The following ZFAT variants were observed in gnomAD, a reference collection of about 807,000 sequenced individuals.
ZFAT encodes zinc finger protein ZFAT.
ZFAT carries 64 observed loss-of-function variants against 117.7 expected under a neutral mutation model. The observed-to-expected ratio is 0.54, with a 90% CI of 0.44 to 0.67. The LOEUF is 0.67. Among genes scored for constraint, ZFAT ranks in the 30% least tolerant of loss-of-function variants. ZFAT has a pLI of 0.00. For synonymous variants in ZFAT, 679 were observed against 615.0 expected (o/e 1.10, Z -1.54); for missense variants, 1,433 against 1,584.5 (o/e 0.90, Z 1.62).
chr8:134,688,213 C>T (rs1309921539), intron 1 of ZFAT, among the ~76,000 whole-genome samples: 1 of 152,232 alleles, frequency 6.6e-6, no homozygotes, highest in Non-Finnish European at 1.5e-5. Context: ...AATCCAGAAA[C>T]GTTCAGCCAG....
At chr8:134,617,823 C>A (rs148700287) in intron 3 of ZFAT, among the ~76,000 whole-genome samples, 1 of 152,292 alleles carries the variant, frequency 6.6e-6, no homozygotes, top group East Asian at 1.9e-4. Flanking sequence ...TAGTCTCGAC[C>A]GTGATTACTG....
chr8:134,541,769 C>T (rs537182671), intron 11 of ZFAT, among the ~76,000 whole-genome samples: 8 of 152,318 alleles, frequency 5.3e-5, no homozygotes, highest in Admixed American at 4.6e-4. Context: ...ATGTCATCAA[C>T]TCACATAAAA....
intron 10 of ZFAT, among the ~76,000 whole-genome samples, chr8:134,579,287 T>C (rs1339020735): frequency 6.6e-6 from 1 of 152,174 alleles, no homozygotes; most frequent in Admixed American, 6.5e-5. Flanking sequence ...GATAAAGACA[T>C]ACCTGAGTCT....
At chr8:134,719,265 A>G in the ZFAT span, among the ~76,000 whole-genome samples, 2 of 152,352 alleles carry the variant, frequency 1.3e-5, no homozygotes, top group South Asian at 2.1e-4. Flanking sequence ...TTTATTACTC[A>G]GTAGCTTTGA....
At chr8:134,677,340 C>A (rs1832853399) in intron 1 of ZFAT, among the ~76,000 whole-genome samples, 1 of 152,162 alleles carries the variant, frequency 6.6e-6, no homozygotes, top group Non-Finnish European at 1.5e-5. Flanking sequence ...ACTAGAAAAT[C>A]TAGAAGAAAT....
chr8:134,492,109 C>T (rs1309076547), intron 15 of ZFAT, among the ~76,000 whole-genome samples: 1 of 151,196 alleles, frequency 6.6e-6, no homozygotes, highest in Non-Finnish European at 1.5e-5. Context: ...ATAAGGTAGT[C>T]ATTATTCAAG....
intron 10 of ZFAT, among the ~76,000 whole-genome samples, chr8:134,578,093 A>T (rs1270589336): frequency 6.6e-6 from 1 of 152,158 alleles, no homozygotes; most frequent in Non-Finnish European, 1.5e-5. Context: ...CCTTGAGATG[A>T]GCACATACCT....
chr8:134,593,679 C>T (rs919973643), intron 7 of ZFAT, among the ~76,000 whole-genome samples: 4 of 152,308 alleles, frequency 2.6e-5, no homozygotes, highest in African/African-American at 7.2e-5. Flanking sequence ...CTCTCTGCTC[C>T]GGGCAAACCT....
the ZFAT span, among the ~76,000 whole-genome samples, chr8:134,831,474 G>C: frequency 5.3e-5 from 8 of 152,130 alleles, no homozygotes; most frequent in African/African-American, 1.9e-4. Context: ...TTCATCTCTG[G>C]TCCCCATCCA....
rs1442474856 is a variant in ZFAT at position 134,520,867 on chromosome 8, T to C, written c.3234+16A>G. ...TTTTGAAATGTCAAGATTAATACCA[T>C]ACTTAAAAAAATTACCTCCCACTTG... On this transcript the variant is annotated intron_variant, in intron 13 of 15. Transcript: ENST00000377838. 9 of 1,601,692 alleles carry C rather than the reference T, an allele frequency of 5.6e-6. No individual in the cohort carries two copies. Among genetic ancestry groups the C allele is most frequent in the Admixed American group, 5.0e-5 (3 of 59,796 alleles).
At chr8:134,623,121 C>A (rs1829248267) in intron 3 of ZFAT, among the ~76,000 whole-genome samples, 2 of 152,160 alleles carry the variant, frequency 1.3e-5, no homozygotes, top group Admixed American at 6.5e-5. Context: ...TTCCCTCCCA[C>A]TACAAGCATC....
chr8:134,783,446 G>A, the ZFAT span, among the ~76,000 whole-genome samples: 7 of 152,094 alleles, frequency 4.6e-5, no homozygotes, highest in South Asian at 1.4e-3. Flanking sequence ...GATCTGAGGT[G>A]GAACAGTTTC....
At chr8:134,648,745 C>T (rs1026161786) in intron 2 of ZFAT, among the ~76,000 whole-genome samples, 2 of 151,972 alleles carry the variant, frequency 1.3e-5, no homozygotes, top group African/African-American at 4.8e-5. Context: ...AAAAATTTTT[C>T]CAAAAAATAG....
At chr8:134,721,728 C>T in the ZFAT span, among the ~76,000 whole-genome samples, 7 of 152,176 alleles carry the variant, frequency 4.6e-5, no homozygotes, top group African/African-American at 7.2e-5. Flanking sequence ...TGGCTCCCAT[C>T]GCCCCTTTCC....
chr8:134,616,048 A>G (rs928156634), intron 3 of ZFAT, among the ~76,000 whole-genome samples: 2 of 152,162 alleles, frequency 1.3e-5, no homozygotes, highest in East Asian at 1.9e-4. Context: ...GTGAGGCAGG[A>G]GAAGAACTGG....
the ZFAT span, among the ~76,000 whole-genome samples, chr8:134,762,926 A>G: frequency 2.0e-4 from 31 of 152,294 alleles, no homozygotes; most frequent in East Asian, 4.6e-3. Flanking sequence ...TCAGGTCAAC[A>G]TAGATCCTGA....
chr8:134,649,165 T>TCTCTCACA (rs1554614264), intron 2 of ZFAT, among the ~76,000 whole-genome samples: 6 of 76,968 alleles, frequency 7.8e-5, no homozygotes, highest in African/African-American at 2.0e-4. Flanking sequence ...CATCTATCTC[T>TCTCTCACA]CACACACACA....
the ZFAT span, among the ~76,000 whole-genome samples, chr8:134,737,237 G>T: frequency 5.9e-5 from 9 of 151,846 alleles, no homozygotes; most frequent in Admixed American, 2.0e-4. Flanking sequence ...CCGAGATCAC[G>T]CCACTGCACT....
At chr8:134,692,721 A>T (rs1446473895) in intron 1 of ZFAT, among the ~76,000 whole-genome samples, 2 of 152,246 alleles carry the variant, frequency 1.3e-5, no homozygotes, top group Non-Finnish European at 2.9e-5. Context: ...CAACCCAAGT[A>T]ACTTTGGAAG....
Sources: allele counts gnomAD v4.1 joint callset (sites outside exome capture counted in the v4.1 genomes callset), GRCh38; gene constraint gnomAD v4.1.1; transcripts MANE v1.5; gene names NCBI Gene and HGNC (gene_info 2026-07-23, HGNC 2026-07-21).